METTL9: variants seen among roughly 807,000 people sequenced by gnomAD.
METTL9 encodes the protein protein-L-histidine N-pros-methyltransferase.
A neutral mutation model predicts 36.0 loss-of-function variants in METTL9; 10 were observed. The ratio of observed to expected loss-of-function variants is 0.28; its 90% confidence interval spans 0.17 to 0.47. The LOEUF is 0.47. Ranked by LOEUF, METTL9 falls within the 20% of genes least tolerant of loss-of-function variation. The pLI is 0.99. For synonymous variants in METTL9, 175 were observed against 149.7 expected (o/e 1.17, Z -1.23); for missense variants, 246 against 383.5 (o/e 0.64, Z 3.00).
At chr16:21,604,237 T>A (rs1965215017) in intron 1 of METTL9, among the ~76,000 whole-genome samples, 1 of 152,150 alleles carries the variant, frequency 6.6e-6, no homozygotes, top group African/African-American at 2.4e-5. Flanking sequence ...TTCCTCATAA[T>A]CTGTGTTGAA....
At chr16:21,642,885 A>G (rs902253495) in intron 4 of METTL9, among the ~76,000 whole-genome samples, 1 of 152,182 alleles carries the variant, frequency 6.6e-6, no homozygotes, top group Non-Finnish European at 1.5e-5. Flanking sequence ...GGGCTATTTA[A>G]TATTGTATCA....
intron 4 of METTL9, among the ~76,000 whole-genome samples, chr16:21,626,271 A>T (rs1965813615): frequency 6.6e-6 from 1 of 152,218 alleles, no homozygotes; most frequent in African/African-American, 2.4e-5. Flanking sequence ...TTAAGAGCTC[A>T]CAGACATTTT....
rs370477124 is a variant in METTL9 at position 21,647,311 on chromosome 16, G to T, written c.752-7916G>T. Reference sequence around the variant, plus strand: ...CTGTGAACTTGTCTGCCTCACTTTTGCACCCGTCCAAGCACAGGTTCTCAG... The same window carrying T: ...CTGTGAACTTGTCTGCCTCACTTTTTCACCCGTCCAAGCACAGGTTCTCAG... On this transcript the variant is annotated intron_variant, in intron 4 of 4. Coordinates refer to ENST00000358154, the MANE Select transcript of METTL9 (RefSeq NM_016025.5). 3.1e-6 allele frequency: 5 copies of T among 1,614,022 alleles called. No individual in the cohort carries two copies. In the African/African-American group the frequency reaches 6.7e-5, roughly 22 times the overall value.
chr16:21,643,261 AC>A lies in METTL9; in HGVS notation c.752-11961del. 2.6e-6 allele frequency: 2 copies of A among 782,184 alleles called. 1 individual carries two copies. Among genetic ancestry groups the A allele is most frequent in the Non-Finnish European group, 4.4e-6 (2 of 455,954 alleles). The allele number at this position is 782,184 out of a possible 1,614,324, so 48.5% of individuals were successfully genotyped here. The stretch of plus-strand genomic sequence containing the variant: ...TCTATTGCCACCGGTCCCAAAAACT[AC>A]CCCCTCCCCCAACACATATGTGCCT... On this transcript the variant is annotated intron_variant, in intron 4 of 4. Transcript: ENST00000358154.
chr16:21,619,886 A>G (rs1471811971), intron 3 of METTL9, among the ~76,000 whole-genome samples: 1 of 152,120 alleles, frequency 6.6e-6, no homozygotes, highest in African/African-American at 2.4e-5. Context: ...AAGGAGAAGA[A>G]ATTATGTAAT....
chr16:21,654,682 C>T (rs1331627246), intron 4 of METTL9: 2 of 153,466 alleles, frequency 1.3e-5, no homozygotes, highest in South Asian at 2.0e-4. Context: ...CCTAGAAAAA[C>T]TCCCCAATGA....
At chr16:21,600,954 C>A (rs2152891992) in intron 1 of METTL9, among the ~76,000 whole-genome samples, 1 of 152,142 alleles carries the variant, frequency 6.6e-6, no homozygotes, top group East Asian at 1.9e-4. Context: ...GCCAGGTGTT[C>A]AGAGAATTTA....
chr16:21,599,308 G>C (rs888433375), upstream of METTL9, among the ~76,000 whole-genome samples: 14 of 152,194 alleles, frequency 9.2e-5, no homozygotes, highest in African/African-American at 3.4e-4. The surrounding 1 kb of genome is among the most constrained non-coding windows in gnomAD (Gnocchi z 4.4). Context: ...CTTCGGAAGT[G>C]ATCTCCTCAG....
At chr16:21,599,523 C>T, upstream of METTL9, 1 of 1,263,304 alleles carries the variant, frequency 7.9e-7, no homozygotes, top group South Asian at 2.5e-5. The surrounding 1 kb of genome is among the most constrained non-coding windows in gnomAD (Gnocchi z 4.4). Flanking sequence ...GGGGCAGCGG[C>T]GTTCCGCGGC....
rs10717867 is a variant in METTL9, at chr16:21,619,427, CTT to C, written c.566+1364_566+1365del. 2.6e-3 allele frequency among the ~76,000 whole-genome samples: 384 copies of C among 144,962 alleles called. 2 individuals are homozygous for C. The highest frequency in any genetic ancestry group is 8.1e-3 in the African/African-American group (322 of 39,572). On this transcript the variant is annotated intron_variant, in intron 3 of 4. Coordinates refer to ENST00000358154, the MANE Select transcript of METTL9 (RefSeq NM_016025.5). ...AGTTTGAAAGACTAGGAAGAAGGGC[CTT>C]TTTTTTTTTTCTGGAGATGAAGTTT... is the stretch of plus-strand genomic sequence containing the variant.
intron 4 of METTL9, among the ~76,000 whole-genome samples, chr16:21,627,902 G>A (rs1259629799): frequency 1.3e-5 from 2 of 152,138 alleles, no homozygotes; most frequent in African/African-American, 2.4e-5. Flanking sequence ...GCCGTGAGCC[G>A]AGATTGCACC....
At chr16:21,644,918 G>A (rs554454917) in intron 4 of METTL9, among the ~76,000 whole-genome samples, 2 of 152,312 alleles carry the variant, frequency 1.3e-5, no homozygotes, top group South Asian at 2.1e-4. Context: ...TGCTCACTGC[G>A]TGCTTGAAAG....
chr16:21,617,950 A>C lies in METTL9; in HGVS notation c.442A>C (p.Arg148=), dbSNP rs189325347. 6.2e-7 allele frequency: 1 copy of C among 1,614,052 alleles called. No homozygotes were observed. The highest frequency in any genetic ancestry group is 8.5e-7 in the Non-Finnish European group (1 of 1,179,968). The change falls in exon 3 of 5, where the codon AGA becomes CGA. Residue 148 remains arginine, a synonymous_variant. Transcript: ENST00000358154. ...AATTAATCCAGACTGGAAAACCCAC[A>C]GACTTCTTGATTTAGGTGCTGGAGA... ...LKINPDWKTH[R]LLDLGAGDGE...
At chr16:21,604,433 A>T (rs1965218907) in intron 1 of METTL9, among the ~76,000 whole-genome samples, 1 of 152,094 alleles carries the variant, frequency 6.6e-6, no homozygotes, top group African/African-American at 2.4e-5. Context: ...TCCTATGGGG[A>T]GTGAGTATTT....
At chr16:21,597,437 A>G (rs1964972511), upstream of METTL9, 7 of 491,644 alleles carry the variant, frequency 1.4e-5, no homozygotes, top group Non-Finnish European at 2.4e-5. Flanking sequence ...TTTTAAATGT[A>G]TGAGTGATTT....
chr16:21,602,472 A>C (rs948696792), intron 1 of METTL9, among the ~76,000 whole-genome samples: 18 of 152,160 alleles, frequency 1.2e-4, no homozygotes, highest in Non-Finnish European at 2.5e-4. Context: ...GGCAAGCAAG[A>C]AGCAGGGTTT....
At chr16:21,640,494 TA>T (rs1213663029) in intron 4 of METTL9, 2 of 149,044 alleles carry the variant, frequency 1.3e-5, no homozygotes, top group Non-Finnish European at 3.0e-5. Context: ...CTCACGCCTG[TA>T]ATCCCAGCAC....
At chr16:21,600,137 C>T (rs1488491167) in intron 1 of METTL9, among the ~76,000 whole-genome samples, 1 of 152,098 alleles carries the variant, frequency 6.6e-6, no homozygotes, top group African/African-American at 2.4e-5. Context: ...GGCATGGCCT[C>T]CCGGGCCCGA....
intron 4 of METTL9, among the ~76,000 whole-genome samples, chr16:21,645,218 C>T (rs939350174): frequency 6.6e-6 from 1 of 152,102 alleles, no homozygotes. Flanking sequence ...TTTGAGAGGC[C>T]GAGGTGGGCA....
Sources: allele counts gnomAD v4.1 joint callset (sites outside exome capture counted in the v4.1 genomes callset), GRCh38; gene constraint gnomAD v4.1.1; non-coding constraint Gnocchi (gnomAD v3.1); transcripts MANE v1.5; gene names NCBI Gene and HGNC (gene_info 2026-07-23, HGNC 2026-07-21).